Variants in DOK6 observed in about 807,000 individuals in gnomAD.
DOK6 encodes downstream of tyrosine kinase 6.
DOK6 carries 22 observed loss-of-function variants against 44.0 expected under a neutral mutation model. The observed-to-expected ratio is 0.50, with a 90% CI of 0.36 to 0.71. DOK6 has a LOEUF of 0.71. DOK6 is among the 30% of genes least tolerant of loss of function. The probability of loss-of-function intolerance (pLI) is 0.00; values close to 1 mark genes in which losing one functional copy is unlikely to be tolerated. For missense variants in DOK6, 340 were observed against 416.4 expected (o/e 0.82, Z 1.60); for synonymous variants, 166 against 145.5 (o/e 1.14, Z -1.01).
chr18:69,807,731 C>G (rs1437771959), intron 7 of DOK6, among the ~76,000 whole-genome samples: 1 of 151,762 alleles, frequency 6.6e-6, no homozygotes, highest in Admixed American at 6.6e-5. Flanking sequence ...GGTGTAAATT[C>G]ATCAAGAGAA....
At chr18:69,655,798 ATAAAATATGAAGATATAAAAACCTTAATC>A (rs1985351801) in intron 3 of DOK6, among the ~76,000 whole-genome samples, 1 of 150,758 alleles carries the variant, frequency 6.6e-6, no homozygotes, top group Non-Finnish European at 1.5e-5. Context: ...AGAACAAAGC[ATAAAATATGAAGATATAAAAACCTTAATC>A]TAAAATATGA....
Position 69,698,524 on chromosome 18 carries a change from T to C in DOK6, c.530T>C (p.Val177Ala), listed in dbSNP as rs1372090348. 1.2e-6 allele frequency: 2 copies of C among 1,613,950 alleles called. No homozygotes were observed. The highest frequency in any genetic ancestry group is 1.7e-6 in the Non-Finnish European group (2 of 1,179,978). Residue 177 changes from valine (V) to alanine (A), a missense_variant, in exon 5 of 8, where the codon GTG becomes GCG. Physicochemically the swap from Val to Ala is moderately conservative, Grantham distance 64 (BLOSUM62 0). Around this residue, in one of 3 missense-constraint regions of DOK6, gnomAD observed 206 missense variants for 258.6 expected, o/e 0.80. Coordinates refer to ENST00000382713, the MANE Select transcript of DOK6 (RefSeq NM_152721.6). ...WDIHNAKVKL[V>A]MWPLSSLRRY... ...ATCCACAATGCCAAGGTCAAACTGG[T>C]GATGTGGCCTCTCAGCTCACTGAGG...
At chr18:69,774,093 G>GATATATATATATAGAT (rs1391058977) in intron 7 of DOK6, among the ~76,000 whole-genome samples, 2 of 108,762 alleles carry the variant, frequency 1.8e-5, no homozygotes, top group Non-Finnish European at 4.0e-5. Flanking sequence ...GATTTATATA[G>GATATATATATATAGAT]ATATATATAT....
Position 69,401,052 on chromosome 18 carries a change from C to G in DOK6, c.-193C>G. 1 of 250,828 alleles carries G rather than the reference C, an allele frequency of 4.0e-6. No homozygotes were observed. 15.5% of individuals were successfully genotyped at this position (250,828 alleles called of 1,614,324 possible). A position where few individuals can be genotyped will look rare whatever the true frequency, so the allele number is the denominator to read the frequency against. On this transcript the variant is annotated 5_prime_UTR_variant, in exon 1 of 8. Coordinates refer to ENST00000382713, the MANE Select transcript of DOK6 (RefSeq NM_152721.6). Reference sequence around the variant, plus strand: ...GCTGGCGCGGCTCGCGGCGCCGGGCCCCGTTCCCCGTCCGCGGCGGCCCTG... The same window carrying G: ...GCTGGCGCGGCTCGCGGCGCCGGGCGCCGTTCCCCGTCCGCGGCGGCCCTG...
intron 1 of DOK6, among the ~76,000 whole-genome samples, chr18:69,439,064 C>G (rs1214677649): frequency 3.7e-5 from 2 of 54,698 alleles, no homozygotes; most frequent in Non-Finnish European, 6.7e-5. Flanking sequence ...GACCTGGTCT[C>G]AAAAAACAAA....
chr18:69,786,157 A>C (rs1980421846), intron 7 of DOK6, among the ~76,000 whole-genome samples: 1 of 152,208 alleles, frequency 6.6e-6, no homozygotes, highest in Non-Finnish European at 1.5e-5. Flanking sequence ...AAAATAAATC[A>C]AAACTTGACA....
At chr18:69,695,489 A>C (rs1280634886) in intron 4 of DOK6, among the ~76,000 whole-genome samples, 1 of 152,256 alleles carries the variant, frequency 6.6e-6, no homozygotes, top group Non-Finnish European at 1.5e-5. Context: ...AATGGAGCCA[A>C]TTTTAACCAC....
intron 7 of DOK6, among the ~76,000 whole-genome samples, chr18:69,761,693 T>C (rs1471570234): frequency 6.6e-6 from 1 of 152,136 alleles, no homozygotes; most frequent in Non-Finnish European, 1.5e-5. Context: ...ATTTCACCAC[T>C]GTCTTGTCCC....
chr18:69,628,509 A>G (rs1984612656), intron 3 of DOK6, among the ~76,000 whole-genome samples: 1 of 151,998 alleles, frequency 6.6e-6, no homozygotes, highest in African/African-American at 2.4e-5. Context: ...ATATATATAT[A>G]TTTGGGAAAT....
rs763208246 is a variant in DOK6, at chr18:69,677,983, G to A, written c.409+130G>A. 548 of 1,362,496 alleles carry A rather than the reference G, an allele frequency of 4.0e-4. 1 individual carries two copies. Among genetic ancestry groups the A allele is most frequent in the South Asian group, 8.3e-4 (57 of 68,288 alleles). 84.4% of individuals were successfully genotyped at this position (1,362,496 alleles called of 1,614,324 possible). A position where few individuals can be genotyped will look rare whatever the true frequency, so the allele number is the denominator to read the frequency against. ...AATCAAAAAGGCCGAGTGCAGTGGC[G>A]CAAACCTGTAATCCCTGCATTTTGG... On this transcript the variant is annotated intron_variant, in intron 4 of 7. Coordinates refer to ENST00000382713, the MANE Select transcript of DOK6 (RefSeq NM_152721.6).
chr18:69,832,359 G>C (rs907306214), intron 7 of DOK6, among the ~76,000 whole-genome samples: 1 of 152,078 alleles, frequency 6.6e-6, no homozygotes, highest in African/African-American at 2.4e-5. Flanking sequence ...AACCATCCTT[G>C]TATCCTGAGG....
chr18:69,544,400 G>T (rs1490609891), intron 1 of DOK6, among the ~76,000 whole-genome samples: 2 of 151,626 alleles, frequency 1.3e-5, no homozygotes, highest in Non-Finnish European at 3.0e-5. Context: ...AATGAGGAAT[G>T]ATCAAATTTA....
At chr18:69,423,160 A>C (rs892041796) in intron 1 of DOK6, among the ~76,000 whole-genome samples, 1 of 152,114 alleles carries the variant, frequency 6.6e-6, no homozygotes, top group Non-Finnish European at 1.5e-5. Context: ...AAAATTAGCC[A>C]GTCATGGTGG....
chr18:69,509,663 A>AAAAAAAAC lies in DOK6; in HGVS notation c.67-54824_67-54823insAAAAAAAC, dbSNP rs397977960. ...AAAAAAAAAAAAAAAAAAAAAAAAA[A>AAAAAAAAC]CACACAAGTCAGAATATTTGTACTT... On this transcript the variant is annotated intron_variant, in intron 1 of 7. Transcript: ENST00000382713. Among the ~76,000 whole-genome samples, 201 of 115,572 alleles carry AAAAAAAAC rather than the reference A, an allele frequency of 1.7e-3. 1 individual carries two copies. The highest frequency in any genetic ancestry group is 5.2e-3 in the African/African-American group (187 of 35,766). 75.8% of individuals were successfully genotyped at this position (115,572 alleles called of 152,430 possible).
chr18:69,498,080 A>C (rs1307494937), intron 1 of DOK6, among the ~76,000 whole-genome samples: 1 of 152,136 alleles, frequency 6.6e-6, no homozygotes, highest in Non-Finnish European at 1.5e-5. Flanking sequence ...ACAGACACAC[A>C]AAAAATGAAT....
At chr18:69,655,777 A>C (rs1190835691) in intron 3 of DOK6, among the ~76,000 whole-genome samples, 2 of 146,270 alleles carry the variant, frequency 1.4e-5, no homozygotes, top group Non-Finnish European at 3.0e-5. Flanking sequence ...AAAAAAAAAA[A>C]AAAAAACAAA....
rs539826399 is a variant in DOK6 at position 69,734,123 on chromosome 18, A to T, written c.600-4842A>T. ...TTTGCTTTCTCTGAAATTTATATCAATGGAGGAAGATACATGGATTCAAAT... is the reference window on the plus strand; with the variant it reads ...TTTGCTTTCTCTGAAATTTATATCATTGGAGGAAGATACATGGATTCAAAT... On this transcript the variant is annotated intron_variant, in intron 5 of 7. Coordinates refer to ENST00000382713, the MANE Select transcript of DOK6 (RefSeq NM_152721.6). Among the ~76,000 whole-genome samples, 3 of 151,892 alleles carry T rather than the reference A, an allele frequency of 2.0e-5. No individual in the cohort carries two copies. The East Asian group carries it at 5.8e-4, about 29-fold the overall frequency.
intron 1 of DOK6, among the ~76,000 whole-genome samples, chr18:69,507,960 A>T (rs539009774): frequency 6.6e-6 from 1 of 152,250 alleles, no homozygotes; most frequent in African/African-American, 2.4e-5. Flanking sequence ...TTAGGGGAAA[A>T]GTGTTCAGTC....
At chr18:69,773,681 G>A (rs935769508) in intron 7 of DOK6, among the ~76,000 whole-genome samples, 6 of 151,964 alleles carry the variant, frequency 3.9e-5, no homozygotes, top group African/African-American at 1.4e-4. Flanking sequence ...CCAGGAGCTG[G>A]AAGAGGGAGA....
Sources: allele counts gnomAD v4.1 joint callset (sites outside exome capture counted in the v4.1 genomes callset), GRCh38; gene constraint gnomAD v4.1.1; regional missense constraint gnomAD v4.1.1; transcripts MANE v1.5; gene names NCBI Gene and HGNC (gene_info 2026-07-23, HGNC 2026-07-21).